REV3L: variants seen among roughly 807,000 people sequenced by gnomAD.
REV3L encodes the protein DNA polymerase zeta catalytic subunit.
In REV3L, 69 loss-of-function variants were observed where a neutral mutation model predicts 299.4. The observed-to-expected ratio is 0.23, with a 90% confidence interval of 0.19 to 0.28. The LOEUF (loss-of-function observed/expected upper bound fraction) is 0.28, where lower values mean the gene tolerates loss of function less well. Ranked by LOEUF, REV3L falls within the 10% of genes least tolerant of loss-of-function variation. REV3L has a pLI of 1.00. For synonymous variants in REV3L, 1,238 were observed against 1,271.4 expected, an observed-to-expected ratio of 0.97 and a Z score of 0.56; for missense variants, 3,128 against 3,693.8, an observed-to-expected ratio of 0.85 and a Z score of 3.97.
At chr6:111,401,736 A>G (rs1266470586) in intron 4 of REV3L, among the ~76,000 whole-genome samples, 1 of 152,238 alleles carries the variant, frequency 6.6e-6, no homozygotes, top group Non-Finnish European at 1.5e-5. Context: ...AATTACTAGC[A>G]TGCTGGAGAG....
intron 1 of REV3L, among the ~76,000 whole-genome samples, chr6:111,436,362 T>C (rs992846675): frequency 6.6e-6 from 1 of 152,116 alleles, no homozygotes; most frequent in Non-Finnish European, 1.5e-5. Flanking sequence ...ATAACAAAAA[T>C]TATTAGAATC....
At chr6:111,468,427 A>C (rs1187849438) in intron 1 of REV3L, among the ~76,000 whole-genome samples, 2 of 152,236 alleles carry the variant, frequency 1.3e-5, no homozygotes, top group East Asian at 1.9e-4. Flanking sequence ...CTTTGGAATC[A>C]GTAAGGAAAA....
At chr6:111,482,531 C>CG (rs1204812447) in intron 1 of REV3L, among the ~76,000 whole-genome samples, 8 of 151,008 alleles carry the variant, frequency 5.3e-5, no homozygotes, top group Non-Finnish European at 1.0e-4. Flanking sequence ...CCTCCCTGCC[C>CG]GGGGGTGGGG....
chr6:111,313,091 A>G lies in REV3L; in HGVS notation c.8604+261T>C, dbSNP rs540510238. 107 of 293,318 alleles carry G rather than the reference A, an allele frequency of 3.6e-4. No individual in the cohort carries two copies. In the Admixed American group the frequency reaches 5.4e-3, roughly 15 times the overall value. 18.2% of individuals were successfully genotyped at this position (293,318 alleles called of 1,614,324 possible). On this transcript the variant is annotated intron_variant, in intron 28 of 31. Coordinates refer to ENST00000368802, the MANE Select transcript of REV3L (RefSeq NM_001372078.1). ...GGCAGAAAGATTGCTTGAGCTCAGG[A>G]GGTCAAGGCTGCAGTGAGCCAGGAT... is the stretch of plus-strand genomic sequence containing the variant.
upstream of REV3L, chr6:111,483,406 G>T: frequency 2.3e-6 from 1 of 433,424 alleles, no homozygotes. Context: ...GGCGGCCGGC[G>T]GCCGGCAGCG....
intron 1 of REV3L, among the ~76,000 whole-genome samples, chr6:111,468,208 G>A (rs1422770796): frequency 1.3e-5 from 2 of 152,112 alleles, no homozygotes; most frequent in Non-Finnish European, 2.9e-5. Flanking sequence ...GATAATGCCA[G>A]GATCTTTTCC....
intron 25 of REV3L, among the ~76,000 whole-genome samples, chr6:111,328,149 A>G (rs1047346713): frequency 6.6e-6 from 1 of 152,226 alleles, no homozygotes; most frequent in African/African-American, 2.4e-5. Flanking sequence ...AAGTCATTCT[A>G]TGAAAAATGT....
intron 22 of REV3L, 39 bp downstream of exon 22, chr6:111,335,430 T>A (rs770605098): frequency 5.7e-6 from 9 of 1,592,334 alleles, no homozygotes; most frequent in Non-Finnish European, 7.7e-6. Context: ...GTATCACTCA[T>A]ACAGAACTTT....
At chr6:111,312,900 A>G (rs1375682781) in intron 28 of REV3L, 1 of 152,706 alleles carries the variant, frequency 6.5e-6, no homozygotes, top group Non-Finnish European at 1.5e-5. Flanking sequence ...GAGTTGTTAC[A>G]CTATGACATA....
At chr6:111,305,129 T>C (rs1772128896) in intron 31 of REV3L, among the ~76,000 whole-genome samples, 1 of 151,970 alleles carries the variant, frequency 6.6e-6, no homozygotes, top group South Asian at 2.1e-4. Context: ...TTAGTAGAGA[T>C]GGAATTTCTC....
At position 111,313,478 on chromosome 6, in the gene REV3L, G is replaced by C. The variant is rs751814748; in HGVS notation, c.8478C>G (p.Pro2826=). ...ACCTCTTTTTTGTTTGTAAAACACAGGGCAAATATACCTGTGGTAAAATTA... is the reference window on the plus strand; with the variant it reads ...ACCTCTTTTTTGTTTGTAAAACACACGGCAAATATACCTGTGGTAAAATTA... ...VKLKFEKVYL[P]CVLQTKKRYV... Residue 2826 remains proline, a synonymous_variant, in exon 28 of 32, where the codon CCC becomes CCG. Coordinates refer to ENST00000368802, the MANE Select transcript of REV3L (RefSeq NM_001372078.1). 8 of 1,607,178 alleles carry C rather than the reference G, an allele frequency of 5.0e-6. No individual in the cohort carries two copies. The highest frequency in any genetic ancestry group is 6.8e-6 in the Non-Finnish European group (8 of 1,177,670).
intron 20 of REV3L, 127 bp downstream of exon 20, chr6:111,349,091 T>C: frequency 3.6e-6 from 2 of 560,228 alleles, no homozygotes; most frequent in Middle Eastern, 4.4e-4. Flanking sequence ...TTAACTCTAC[T>C]TAAGTATAAC....
intron 18 of REV3L, among the ~76,000 whole-genome samples, chr6:111,352,089 C>T (rs1185009133): frequency 6.6e-6 from 1 of 151,926 alleles, no homozygotes; most frequent in Non-Finnish European, 1.5e-5. Flanking sequence ...TCACTGCAAC[C>T]TCTGCTTCCC....
chr6:111,339,714 C>G (rs990046294), intron 21 of REV3L, among the ~76,000 whole-genome samples: 55 of 152,052 alleles, frequency 3.6e-4, no homozygotes, highest in Admixed American at 3.6e-3. Flanking sequence ...CTTTGAATGG[C>G]TAATTTAAAA....
At chr6:111,391,819 C>A (rs1232367729) in intron 5 of REV3L, among the ~76,000 whole-genome samples, 1 of 152,094 alleles carries the variant, frequency 6.6e-6, no homozygotes, top group Non-Finnish European at 1.5e-5. Context: ...AAGACCTCAC[C>A]TCTACAAAAA....
chr6:111,364,003 A>C (rs1411793369), intron 15 of REV3L, 25 bp from the exon 16 acceptor site: 6 of 1,588,244 alleles, frequency 3.8e-6, no homozygotes, highest in African/African-American at 1.4e-5. Context: ...ACACACACAC[A>C]CAGCCAGAAA....
Position 111,405,455 on chromosome 6 carries a change from G to C in REV3L, c.565+15C>G, listed in dbSNP as rs1405595537. The C allele has an allele frequency of 6.4e-7, 1 of 1,574,470 alleles. No individual in the cohort carries two copies. ...AATTTGACAAAAATTTAATTTGACT[G>C]AAAATTAACCTTACTTTTCCTTCTT... is the stretch of plus-strand genomic sequence containing the variant. On this transcript the variant is annotated intron_variant, in intron 4 of 31. Coordinates refer to ENST00000368802, the MANE Select transcript of REV3L (RefSeq NM_001372078.1).
intron 1 of REV3L, among the ~76,000 whole-genome samples, chr6:111,465,939 ATATTGCTAAAAAGATCTCTACAGTGC>A (rs1791455257): frequency 6.6e-6 from 1 of 152,142 alleles, no homozygotes; most frequent in South Asian, 2.1e-4. Flanking sequence ...TAGTCTTTTT[ATATTGCTAAAAAGATCTCTACAGTGC>A]TACTCAAATG....
intron 28 of REV3L, chr6:111,312,106 G>A (rs557134621): frequency 1.9e-4 from 29 of 152,264 alleles, no homozygotes; most frequent in Admixed American, 5.9e-4. Flanking sequence ...GCCCGGCCAA[G>A]TAGATTAAGT....
Sources: allele counts gnomAD v4.1 joint callset (sites outside exome capture counted in the v4.1 genomes callset), GRCh38; gene constraint gnomAD v4.1.1; transcripts MANE v1.5; gene names NCBI Gene and HGNC (gene_info 2026-07-23, HGNC 2026-07-21).